The following AUTS2 variants were observed in gnomAD, a reference collection of about 807,000 sequenced individuals.
The protein encoded by AUTS2 is autism susceptibility gene 2 protein.
AUTS2 carries 17 observed loss-of-function variants against 112.4 expected under a neutral mutation model. The ratio of observed to expected loss-of-function variants is 0.15; its 90% confidence interval spans 0.10 to 0.23. The LOEUF is 0.23. AUTS2 is among the 10% of genes least tolerant of loss of function. The pLI, the probability that AUTS2 is intolerant of heterozygous loss-of-function variation, is 1.00. For missense variants in AUTS2, 1,510 were observed against 1,701.6 expected, an observed-to-expected ratio of 0.89 and a Z score of 1.98; for synonymous variants, 751 against 702.7, an observed-to-expected ratio of 1.07 and a Z score of -1.09.
At chr7:70,243,231 TTGTGTGTGTGTGTGTGTGTGTGTG>T (rs3078161) in intron 4 of AUTS2, among the ~76,000 whole-genome samples, 3 of 131,666 alleles carry the variant, frequency 2.3e-5, no homozygotes, top group South Asian at 2.6e-4. Flanking sequence ...GAATGTATCC[TTGTGTGTGTGTGTGTGTGTGTGTG>T]TGTGTGTGTG....
chr7:70,164,819 TA>T (rs1271926041), intron 4 of AUTS2, among the ~76,000 whole-genome samples: 1 of 151,712 alleles, frequency 6.6e-6, no homozygotes, highest in Non-Finnish European at 1.5e-5. Flanking sequence ...TGGGTTCAAT[TA>T]AAAAAATTAT....
chr7:69,658,400 A>T (rs758427026), intron 1 of AUTS2, among the ~76,000 whole-genome samples: 9 of 152,218 alleles, frequency 5.9e-5, no homozygotes, highest in Non-Finnish European at 1.2e-4. Flanking sequence ...ATGACTGACC[A>T]ATCTATTTCT....
intron 1 of AUTS2, among the ~76,000 whole-genome samples, chr7:69,666,538 G>C (rs1370014150): frequency 3.3e-5 from 5 of 152,160 alleles, no homozygotes; most frequent in Non-Finnish European, 5.9e-5. Context: ...GTCTGTATTG[G>C]AAAATAGGCA....
intron 4 of AUTS2, among the ~76,000 whole-genome samples, chr7:70,427,273 T>C (rs933415123): frequency 4.6e-5 from 7 of 152,300 alleles, no homozygotes; most frequent in African/African-American, 1.7e-4. Context: ...TTAAAAGAGA[T>C]CATTTACAAA....
chr7:69,610,030 G>A (rs1474808034), intron 1 of AUTS2, among the ~76,000 whole-genome samples: 2 of 152,210 alleles, frequency 1.3e-5, no homozygotes, highest in African/African-American at 4.8e-5. Flanking sequence ...AGACATTGAT[G>A]AATCTTCCTG....
At chr7:70,097,761 T>G (rs1804277933) in intron 2 of AUTS2, among the ~76,000 whole-genome samples, 1 of 152,218 alleles carries the variant, frequency 6.6e-6, no homozygotes, top group African/African-American at 2.4e-5. Flanking sequence ...AATTTAATGT[T>G]AATCCAAGGT....
intron 1 of AUTS2, among the ~76,000 whole-genome samples, chr7:69,616,858 T>C (rs988116702): frequency 4.6e-5 from 7 of 152,136 alleles, no homozygotes; most frequent in African/African-American, 2.4e-5. Flanking sequence ...TTTATACTTA[T>C]GTATTAGGAT....
At chr7:70,084,201 A>AAG (rs1554305541) in intron 2 of AUTS2, among the ~76,000 whole-genome samples, 1 of 151,680 alleles carries the variant, frequency 6.6e-6, no homozygotes, top group African/African-American at 2.4e-5. Context: ...TTTTTGGAGG[A>AAG]GGGGGGGTTC....
chr7:70,751,722 G>A (rs950494066), intron 6 of AUTS2, among the ~76,000 whole-genome samples: 6 of 152,046 alleles, frequency 3.9e-5, no homozygotes, highest in Non-Finnish European at 8.8e-5. Flanking sequence ...TAAGTATTGA[G>A]CATACACTAG....
chr7:70,596,132 G>A (rs1392688460), intron 5 of AUTS2: 1 of 152,762 alleles, frequency 6.5e-6, no homozygotes, highest in Non-Finnish European at 1.5e-5. Flanking sequence ...ATTAGGAGAC[G>A]GTCATGAGGA....
intron 4 of AUTS2, among the ~76,000 whole-genome samples, chr7:70,244,626 AG>A (rs748388702): frequency 6.6e-6 from 1 of 152,324 alleles, no homozygotes; most frequent in East Asian, 1.9e-4. Flanking sequence ...AATGGATGTC[AG>A]GTGAATGTTG....
At chr7:70,092,532 G>A (rs1321831974) in intron 2 of AUTS2, among the ~76,000 whole-genome samples, 1 of 152,192 alleles carries the variant, frequency 6.6e-6, no homozygotes, top group Non-Finnish European at 1.5e-5. Flanking sequence ...TGTGAGTGGT[G>A]AGGAGCACAG....
At chr7:70,028,036 A>G (rs1018102248) in intron 2 of AUTS2, among the ~76,000 whole-genome samples, 2 of 151,980 alleles carry the variant, frequency 1.3e-5, no homozygotes, top group African/African-American at 2.4e-5. Context: ...ACATTCATCA[A>G]CTGTTCATAT....
intron 5 of AUTS2, among the ~76,000 whole-genome samples, chr7:70,661,971 G>A (rs1437079626): frequency 1.3e-5 from 2 of 152,152 alleles, no homozygotes; most frequent in Non-Finnish European, 2.9e-5. Flanking sequence ...CTTTCCTGCA[G>A]GAAGGTTGGA....
intron 5 of AUTS2, among the ~76,000 whole-genome samples, chr7:70,495,932 T>TCACA (rs773711549): frequency 2.9e-5 from 2 of 70,090 alleles, no homozygotes; most frequent in Admixed American, 1.6e-4. Context: ...ACGTACACAG[T>TCACA]CACACACACA....
intron 4 of AUTS2, among the ~76,000 whole-genome samples, chr7:70,300,445 C>CTT (rs1789161060): frequency 1.3e-5 from 2 of 152,122 alleles, no homozygotes; most frequent in Non-Finnish European, 2.9e-5. Flanking sequence ...GACACATGGA[C>CTT]TTAGTGTGCC....
intron 5 of AUTS2, among the ~76,000 whole-genome samples, chr7:70,458,462 A>T (rs151289863): frequency 6.6e-6 from 1 of 152,214 alleles, no homozygotes; most frequent in Admixed American, 6.5e-5. Flanking sequence ...GTTAGCTGAT[A>T]GATGAAATCT....
intron 3 of AUTS2, among the ~76,000 whole-genome samples, chr7:70,122,909 C>T (rs1805762160): frequency 7.9e-6 from 1 of 127,202 alleles, no homozygotes; most frequent in Non-Finnish European, 1.6e-5. Flanking sequence ...GAGTTTCGCT[C>T]TTGTTGCTCA....
In AUTS2 at chr7:69,742,238, T is replaced by C. The variant is rs548581284; in HGVS notation, c.309+142276T>C. Among the ~76,000 whole-genome samples, 3 of 152,302 alleles carry C rather than the reference T, an allele frequency of 2.0e-5. 1 individual carries two copies. The South Asian group carries it at 6.2e-4, about 32-fold the overall frequency. On this transcript the variant is annotated intron_variant, in intron 1 of 18. Coordinates refer to ENST00000342771, the MANE Select transcript of AUTS2 (RefSeq NM_015570.4). ...CCTTCCTTCAGGTTTGACTTTTCTT[T>C]AGAATTTCCTTGAGCGAGTGCCTAT...
Sources: allele counts gnomAD v4.1 joint callset (sites outside exome capture counted in the v4.1 genomes callset), GRCh38; gene constraint gnomAD v4.1.1; transcripts MANE v1.5; gene names NCBI Gene and HGNC (gene_info 2026-07-23, HGNC 2026-07-21).